RANBP2: variants seen among roughly 807,000 people sequenced by gnomAD.
RANBP2 encodes RAN binding protein 2.
A neutral mutation model predicts 303.6 loss-of-function variants in RANBP2; 57 were observed. The observed-to-expected ratio is 0.19, with a 90% CI of 0.15 to 0.23. The LOEUF is 0.23. Among genes scored for constraint, RANBP2 ranks in the 10% least tolerant of loss-of-function variants. The pLI is 1.00. For synonymous variants in RANBP2, 1,167 were observed against 1,301.5 expected, an observed-to-expected ratio of 0.90 and a Z score of 2.23; for missense variants, 3,138 against 3,780.8, an observed-to-expected ratio of 0.83 and a Z score of 4.46.
the RANBP2 span, among the ~76,000 whole-genome samples, chr2:108,936,972 G>T: frequency 6.6e-6 from 1 of 152,162 alleles, no homozygotes. Context: ...TTAAATAGCC[G>T]GTCCTGTTCC....
At chr2:109,286,673 T>C in the RANBP2 span, among the ~76,000 whole-genome samples, 1 of 152,158 alleles carries the variant, frequency 6.6e-6, no homozygotes, top group South Asian at 2.1e-4. Context: ...TTCCCCCTGT[T>C]TGGCATAGCT....
At chr2:109,077,862 A>G in the RANBP2 span, among the ~76,000 whole-genome samples, 4 of 149,402 alleles carry the variant, frequency 2.7e-5, no homozygotes, top group African/African-American at 9.7e-5. Flanking sequence ...GTTCATGGGA[A>G]TGCAAATTGG....
chr2:109,076,006 A>G, the RANBP2 span, among the ~76,000 whole-genome samples: 1 of 150,824 alleles, frequency 6.6e-6, no homozygotes, highest in Non-Finnish European at 1.5e-5. Flanking sequence ...CCACATGCCA[A>G]TATCTCTGAT....
At chr2:108,909,442 T>TGAATCATAGGAAGATCATA in the RANBP2 span, among the ~76,000 whole-genome samples, 6 of 151,530 alleles carry the variant, frequency 4.0e-5, no homozygotes, top group South Asian at 2.1e-4. Flanking sequence ...CTTTGCAAGG[T>TGAATCATAGGAAGATCATA]GAATCATAGG....
At chr2:109,688,416 C>T in the RANBP2 span, among the ~76,000 whole-genome samples, 1 of 152,146 alleles carries the variant, frequency 6.6e-6, no homozygotes, top group Non-Finnish European at 1.5e-5. Flanking sequence ...CCTGCAGTCC[C>T]CTGACATGGG....
the RANBP2 span, among the ~76,000 whole-genome samples, chr2:109,261,286 C>A: frequency 6.6e-6 from 1 of 152,158 alleles, no homozygotes; most frequent in Non-Finnish European, 1.5e-5. Flanking sequence ...AGGTGATTGT[C>A]CCCTCCCCAG....
At chr2:108,825,431 CA>C in the RANBP2 span, among the ~76,000 whole-genome samples, 4 of 149,954 alleles carry the variant, frequency 2.7e-5, no homozygotes, top group Admixed American at 6.6e-5. Context: ...CTCCTCTCTC[CA>C]AAAAAAAACC....
At chr2:108,759,765 C>T (rs1676592359) in intron 18 of RANBP2, among the ~76,000 whole-genome samples, 1 of 152,168 alleles carries the variant, frequency 6.6e-6, no homozygotes. Flanking sequence ...AACAAACCGG[C>T]TAGCCTTTCC....
chr2:108,780,359 A>ATTTTT (rs869269194), intron 25 of RANBP2, among the ~76,000 whole-genome samples: 3,262 of 111,636 alleles, frequency 0.029, 73 homozygotes, highest in South Asian at 0.044. Flanking sequence ...CGCCCGGCTA[A>ATTTTT]TTTTTTTTTT....
At chr2:109,724,865 G>A in the RANBP2 span, among the ~76,000 whole-genome samples, 1 of 152,200 alleles carries the variant, frequency 6.6e-6, no homozygotes, top group Non-Finnish European at 1.5e-5. Flanking sequence ...ACGGAGGTAT[G>A]CCAGGCCAGG....
the RANBP2 span, among the ~76,000 whole-genome samples, chr2:109,184,668 C>T: frequency 6.6e-6 from 1 of 152,220 alleles, no homozygotes; most frequent in Non-Finnish European, 1.5e-5. Context: ...CCAGCCCACA[C>T]TGGGCTGCCT....
the RANBP2 span, among the ~76,000 whole-genome samples, chr2:109,648,540 A>C: frequency 1.3e-5 from 2 of 151,894 alleles, no homozygotes; most frequent in Non-Finnish European, 2.9e-5. Context: ...ATGGGGTTTC[A>C]CTATGTTGGC....
chr2:108,983,931 G>A, the RANBP2 span, among the ~76,000 whole-genome samples: 15 of 152,342 alleles, frequency 9.8e-5, no homozygotes, highest in African/African-American at 2.2e-4. Flanking sequence ...AGGAGGAAGC[G>A]AGTGCAGCTG....
the RANBP2 span, among the ~76,000 whole-genome samples, chr2:108,899,921 G>A: frequency 6.6e-6 from 1 of 152,098 alleles, no homozygotes; most frequent in African/African-American, 2.4e-5. Context: ...GGGAGGCGGA[G>A]GTTGCAGTGA....
At chr2:108,909,570 G>T in the RANBP2 span, among the ~76,000 whole-genome samples, 1 of 152,218 alleles carries the variant, frequency 6.6e-6, no homozygotes, top group South Asian at 2.1e-4. Context: ...TGTTGCGGGG[G>T]TGTCCTTCCA....
the RANBP2 span, among the ~76,000 whole-genome samples, chr2:109,713,996 G>A: frequency 6.6e-6 from 1 of 152,222 alleles, no homozygotes; most frequent in Non-Finnish European, 1.5e-5. Context: ...AGATCCCACA[G>A]GTTAAGGGCT....
chr2:109,184,360 T>A, the RANBP2 span, among the ~76,000 whole-genome samples: 5 of 152,222 alleles, frequency 3.3e-5, no homozygotes, highest in Admixed American at 6.5e-5. Flanking sequence ...GGCCAGGAGT[T>A]TCCTAGCAGG....
chr2:108,949,841 A>G, the RANBP2 span, among the ~76,000 whole-genome samples: 3 of 152,264 alleles, frequency 2.0e-5, no homozygotes, highest in African/African-American at 7.2e-5. Flanking sequence ...ATGGTGCCTT[A>G]GAAGCAGATG....
the RANBP2 span, among the ~76,000 whole-genome samples, chr2:109,082,825 C>CTTTTT: frequency 1.9e-4 from 24 of 123,792 alleles, no homozygotes; most frequent in Non-Finnish European, 3.4e-4. Flanking sequence ...GACCCCATGT[C>CTTTTT]TTTTTTTTTT....
Sources: allele counts gnomAD v4.1 joint callset (sites outside exome capture counted in the v4.1 genomes callset), GRCh38; gene constraint gnomAD v4.1.1; transcripts MANE v1.5; gene names NCBI Gene and HGNC (gene_info 2026-07-23, HGNC 2026-07-21).